The following ADAMTS1 variants were observed in gnomAD, a reference collection of about 807,000 sequenced individuals.
ADAMTS1 encodes the protein ADAM metallopeptidase with thrombospondin type 1 motif 1, also known as A disintegrin and metalloproteinase with thrombospondin motifs 1.
ADAMTS1 carries 19 observed loss-of-function variants against 87.9 expected under a neutral mutation model. That is an observed-to-expected ratio of 0.22 (90% CI 0.15 to 0.32). The LOEUF (loss-of-function observed/expected upper bound fraction) is 0.32, where lower values mean the gene tolerates loss of function less well. ADAMTS1 is among the 10% of genes least tolerant of loss of function. The probability of loss-of-function intolerance (pLI) is 1.00; values close to 1 mark genes in which losing one functional copy is unlikely to be tolerated. For missense variants in ADAMTS1, 1,240 were observed against 1,259.1 expected, an observed-to-expected ratio of 0.98 and a Z score of 0.23; for synonymous variants, 542 against 501.8, an observed-to-expected ratio of 1.08 and a Z score of -1.07.
Position 26,842,692 on chromosome 21 carries a change from A to AG in ADAMTS1, c.731-8dup. 1 of 1,604,804 alleles carries AG rather than the reference A, an allele frequency of 6.2e-7. No individual in the cohort carries two copies. Among genetic ancestry groups the AG allele is most frequent in the African/African-American group, 1.3e-5 (1 of 74,268 alleles). On this transcript the variant is annotated splice_region_variant and splice_polypyrimidine_tract_variant and intron_variant, in intron 1 of 8. Coordinates refer to ENST00000284984, the MANE Select transcript of ADAMTS1 (RefSeq NM_006988.5). ...TTTCTTATGCTTCCAGTTCCTGTAA[A>AG]GAAAAAAAAAAGTTTGCTTATGGTC...
rs1250253009 is a variant in ADAMTS1, at chr21:26,841,065, C to T, written c.1311G>A (p.Leu437=). ...SHMMASMLSN[L]DHSQPWSPCS... ...AAGGAGACCAAGGCTGGCTGTGGTCCAGGTTGGAAAGCATTGACGCCATCA... is the reference window on the plus strand; with the variant it reads ...AAGGAGACCAAGGCTGGCTGTGGTCTAGGTTGGAAAGCATTGACGCCATCA... Residue 437 remains leucine, a synonymous_variant, in exon 4 of 9, where the codon CTG becomes CTA. Coordinates refer to ENST00000284984, the MANE Select transcript of ADAMTS1 (RefSeq NM_006988.5). 1 of 1,614,172 alleles carries T rather than the reference C, an allele frequency of 6.2e-7. No individual in the cohort carries two copies. Among genetic ancestry groups the T allele is most frequent in the Non-Finnish European group, 8.5e-7 (1 of 1,180,040 alleles).
rs1002422021 is a variant in ADAMTS1 at position 26,836,170 on chromosome 21, G to A, written c.*1409C>T. 6.6e-6 allele frequency: 1 copy of A among 152,158 alleles called. No homozygotes were observed. The highest frequency in any genetic ancestry group is 1.9e-4 in the East Asian group (1 of 5,172). The allele number at this position is 152,158 out of a possible 1,614,324, so 9.4% of individuals were successfully genotyped here. On this transcript the variant is annotated 3_prime_UTR_variant, in exon 9 of 9. Transcript: ENST00000284984. ...AGCCGTCTTGCTTCACCTTCCTCTA[G>A]AACAAAATCTTATTGCCAAATAATT... is the stretch of plus-strand genomic sequence containing the variant.
In ADAMTS1 at chr21:26,838,480, T is replaced by A. The variant is rs145513522; in HGVS notation, c.2163A>T (p.Gly721=). 10 of 1,614,156 alleles carry A rather than the reference T, an allele frequency of 6.2e-6. No homozygotes were observed. The African/African-American group carries it at 8.0e-5, about 13-fold the overall frequency. ...FDKCGVCGGN[G]STCKKISGSV... ...ATCCTGATATTTTTTTACAAGTAGA[T>A]CCATTTCCCCCGCAAACACCACATT... is the stretch of plus-strand genomic sequence containing the variant. The change falls in exon 8 of 9, where the codon GGA becomes GGT. Residue 721 remains glycine, a synonymous_variant. Coordinates refer to ENST00000284984, the MANE Select transcript of ADAMTS1 (RefSeq NM_006988.5).
In ADAMTS1 at chr21:26,845,029, C is replaced by G. The variant is rs552835248; in HGVS notation, c.-75G>C. The G allele has an allele frequency of 1.4e-6, 2 of 1,452,300 alleles. No individual in the cohort carries two copies. The allele number at this position is 1,452,300 out of a possible 1,614,324, so 90.0% of individuals were successfully genotyped here. On this transcript the variant is annotated 5_prime_UTR_variant, in exon 1 of 9. Coordinates refer to ENST00000284984, the MANE Select transcript of ADAMTS1 (RefSeq NM_006988.5). ...TTAGTTCGGGTCGGGAGAGCAAAGC[C>G]TCGTTGGCCTGCTCTGGATTGTTAA...
rs750990684 is a variant in ADAMTS1 at position 26,844,531 on chromosome 21, A to C, written c.424T>G (p.Cys142Gly). The change falls in exon 1 of 9, where the codon TGC becomes GGC. Residue 142 changes from cysteine to glycine, a missense_variant. Coordinates refer to ENST00000284984, the MANE Select transcript of ADAMTS1 (RefSeq NM_006988.5). ...TAGAAGGCGCCGCGCACGCCCTCGCAGAGGCTGAGGGCGGCAGCCGAGCTG... is the reference window on the plus strand; with the variant it reads ...TAGAAGGCGCCGCGCACGCCCTCGCCGAGGCTGAGGGCGGCAGCCGAGCTG... ...DPSSAAALSL[C>G]EGVRGAFYLL... 12 of 1,604,204 alleles carry C rather than the reference A, an allele frequency of 7.5e-6. No homozygotes were observed. The highest frequency in any genetic ancestry group is 1.0e-5 in the Non-Finnish European group (12 of 1,175,870).
In ADAMTS1 at chr21:26,843,877, A is replaced by C; in HGVS notation, c.730+348T>G. 4 of 472,408 alleles carry C rather than the reference A, an allele frequency of 8.5e-6. No individual in the cohort carries two copies. In the Admixed American group the frequency reaches 9.9e-5, roughly 12 times the overall value. 29.3% of individuals were successfully genotyped at this position (472,408 alleles called of 1,614,324 possible). ...CAAAAGGCGCACACAAAATCATTAA[A>C]AAGAAATACACAGAGTGGAAAGAAC... On this transcript the variant is annotated intron_variant, in intron 1 of 8. Transcript: ENST00000284984.
At chr21:26,841,304 C>T (rs1294960651) in intron 3 of ADAMTS1, 139 bp from the exon 4 acceptor site, 10 of 810,814 alleles carry the variant, frequency 1.2e-5, no homozygotes, top group Non-Finnish European at 1.9e-5. Flanking sequence ...CATAGTGAAA[C>T]CCCGTCTCTA....
chr21:26,843,923 T>C, intron 1 of ADAMTS1: 1 of 507,912 alleles, frequency 2.0e-6, no homozygotes, highest in Non-Finnish European at 3.7e-6. Flanking sequence ...TCCAACTCGC[T>C]AAAGGTGGAA....
At position 26,844,325 on chromosome 21, in the gene ADAMTS1, T is replaced by C. The variant is rs774609205; in HGVS notation, c.630A>G (p.Lys210=). 14 of 1,608,762 alleles carry C rather than the reference T, an allele frequency of 8.7e-6. No individual in the cohort carries two copies. The South Asian group carries it at 1.4e-4, about 17-fold the overall frequency. Residue 210 remains lysine (K), a synonymous_variant, in exon 1 of 9, where the codon AAA becomes AAG. Transcript: ENST00000284984. ...CTTCGTCCTCGTCTTCGGTCTCCGCTTTCCCAGTCGGCCGGGGCTCGTCGT... is the reference window on the plus strand; with the variant it reads ...CTTCGTCCTCGTCTTCGGTCTCCGCCTTCCCAGTCGGCCGGGGCTCGTCGT... ...VVDDEPRPTG[K]AETEDEDEGT...
In ADAMTS1 at chr21:26,836,077, T is replaced by G. The variant is rs1380035868; in HGVS notation, c.*1502A>C. On this transcript the variant is annotated 3_prime_UTR_variant, in exon 9 of 9. Transcript: ENST00000284984. Reference sequence around the variant, plus strand: ...GTAACAAATGACATCATAAATTTCTTTCTTTTTAGCAATCATGTATACCAA... The same window carrying G: ...GTAACAAATGACATCATAAATTTCTGTCTTTTTAGCAATCATGTATACCAA... 1 of 152,240 alleles carries G rather than the reference T, an allele frequency of 6.6e-6. No homozygotes were observed. Among genetic ancestry groups the G allele is most frequent in the Non-Finnish European group, 1.5e-5 (1 of 68,032 alleles). 9.4% of individuals were successfully genotyped at this position (152,240 alleles called of 1,614,324 possible). A position where few individuals can be genotyped will look rare whatever the true frequency, so the allele number is the denominator to read the frequency against.
chr21:26,844,730 G>A lies in ADAMTS1; in HGVS notation c.225C>T (p.Arg75=), dbSNP rs746588935. The part of the protein sequence containing the change: ...LERAPGHGTT[R]LRLHAFDQQL... Reference sequence around the variant, plus strand: ...GCTGGTCAAAGGCGTGCAGGCGGAGGCGCGTGGTCCCGTGTCCCGGGGCGC... The same window carrying A: ...GCTGGTCAAAGGCGTGCAGGCGGAGACGCGTGGTCCCGTGTCCCGGGGCGC... The change falls in exon 1 of 9, where the codon CGC becomes CGT. Residue 75 remains arginine (R), a synonymous_variant. Transcript: ENST00000284984. The A allele has an allele frequency of 6.3e-7, 1 of 1,576,710 alleles. No individual in the cohort carries two copies. Among genetic ancestry groups the A allele is most frequent in the Non-Finnish European group, 8.6e-7 (1 of 1,160,050 alleles).
chr21:26,841,072 G>C lies in ADAMTS1; in HGVS notation c.1304C>G (p.Ser435Cys). 2 of 1,614,214 alleles carry C rather than the reference G, an allele frequency of 1.2e-6. No individual in the cohort carries two copies. The highest frequency in any genetic ancestry group is 4.5e-5 in the East Asian group (2 of 44,878). The change falls in exon 4 of 9, where the codon TCC (serine) becomes TGC (cysteine). Residue 435 changes from serine to cysteine, a missense_variant. Coordinates refer to ENST00000284984, the MANE Select transcript of ADAMTS1 (RefSeq NM_006988.5). ...QDSHMMASML[S>C]NLDHSQPWSP... is the part of the protein sequence containing the mutation. ...CCAAGGCTGGCTGTGGTCCAGGTTGGAAAGCATTGACGCCATCATGTGGGA... is the reference window on the plus strand; with the variant it reads ...CCAAGGCTGGCTGTGGTCCAGGTTGCAAAGCATTGACGCCATCATGTGGGA...
Position 26,840,463 on chromosome 21 carries a change from C to T in ADAMTS1, c.1478G>A (p.Gly493Glu), listed in dbSNP as rs753861935. ...ATCGGGGCAGTGTTTGGAGTCCTCC[C>T]CAAATGTAAACTGGCACTGCCGGTT... Reference protein sequence around the residue: ...DANRQCQFTFGEDSKHCPDAA... With the variant: ...DANRQCQFTFEEDSKHCPDAA... The change falls in exon 5 of 9, where the codon GGG (glycine) becomes GAG (glutamate). Residue 493 changes from glycine to glutamate, a missense_variant. Physicochemically the swap from Gly to Glu is moderately conservative, Grantham distance 98. Around this residue, in one of 3 missense-constraint regions of ADAMTS1, gnomAD observed 317 missense variants for 410.3 expected, o/e 0.77. Transcript: ENST00000284984. 30 of 1,614,146 alleles carry T rather than the reference C, an allele frequency of 1.9e-5. No homozygotes were observed. The highest frequency in any genetic ancestry group is 2.3e-5 in the Non-Finnish European group (27 of 1,179,992).
Position 26,837,876 on chromosome 21 carries a change from T to C in ADAMTS1, c.2607A>G (p.Ser869=), listed in dbSNP as rs1601921217. 6.2e-7 allele frequency: 1 copy of C among 1,614,214 alleles called. No homozygotes were observed. Among genetic ancestry groups the C allele is most frequent in the Non-Finnish European group, 8.5e-7 (1 of 1,180,044 alleles). Residue 869 remains serine (S), a synonymous_variant, in exon 9 of 9, where the codon TCA becomes TCG. Transcript: ENST00000284984. ...GTCTTCTCTGCCAACCCAATTCACA[T>C]GACTTAGAACATTCGCCCCACTCTT... is the stretch of plus-strand genomic sequence containing the variant. The part of the protein sequence containing the change: ...VIEEWGECSK[S]CELGWQRRLV...
chr21:26,841,212 G>C (rs1290369235), intron 3 of ADAMTS1, 47 bp from the exon 4 acceptor site: 1 of 1,596,062 alleles, frequency 6.3e-7, no homozygotes, highest in South Asian at 1.1e-5. Flanking sequence ...TCATGGCTGG[G>C]TGCGGTGGCT....
Position 26,844,909 on chromosome 21 carries a change from T to G in ADAMTS1, c.46A>C (p.Ser16Arg). ...PEGFGRRKLG[S>R]DMGNAERAPG... The stretch of plus-strand genomic sequence containing the variant: ...GCCCGCTCCGCGTTCCCCATGTCGC[T>G]GCCCAGCTTGCGCCTTCCGAACCCC... The change falls in exon 1 of 9, where the codon AGC (serine) becomes CGC (arginine). Residue 16 changes from serine to arginine, a missense_variant. Ser to Arg is a moderately radical substitution (Grantham distance 110). Transcript: ENST00000284984. 2 of 1,521,618 alleles carry G rather than the reference T, an allele frequency of 1.3e-6. No homozygotes were observed. Among genetic ancestry groups the G allele is most frequent in the Non-Finnish European group, 1.8e-6 (2 of 1,136,012 alleles). 94.3% of individuals were successfully genotyped at this position (1,521,618 alleles called of 1,614,324 possible).
At chr21:26,842,058 C>G in intron 2 of ADAMTS1, 68 bp from the exon 3 acceptor site, 1 of 1,540,164 alleles carries the variant, frequency 6.5e-7, no homozygotes, top group Non-Finnish European at 8.8e-7. Context: ...ACTTTTTTGG[C>G]AGGGTGTGCC....
chr21:26,839,976 C>T lies in ADAMTS1; in HGVS notation c.1751G>A (p.Arg584Lys). 6.2e-7 allele frequency: 1 copy of T among 1,614,074 alleles called. No homozygotes were observed. Among genetic ancestry groups the T allele is most frequent in the Non-Finnish European group, 8.5e-7 (1 of 1,180,018 alleles). The change falls in exon 6 of 9, where the codon AGG (arginine) becomes AAG (lysine). Residue 584 changes from arginine (R) to lysine (K), a missense_variant. Arg to Lys is a conservative substitution (Grantham distance 26, BLOSUM62 2). Transcript: ENST00000284984. ...TCGGGVQYTM[R>K]ECDNPVPKNG... ...CTTTGGGACTGGGTTGTCACATTCCCTCATCGTGTACTGGACTCCTCCACC... is the reference window on the plus strand; with the variant it reads ...CTTTGGGACTGGGTTGTCACATTCCTTCATCGTGTACTGGACTCCTCCACC...
chr21:26,843,852 C>A, intron 1 of ADAMTS1: 1 of 456,442 alleles, frequency 2.2e-6, no homozygotes. Context: ...GCAACCCGCA[C>A]AAAAGGCGCA....
Sources: gnomAD v4.1 joint callset for allele counts on GRCh38, gnomAD v4.1.1 for gene constraint, gnomAD v4.1.1 regional missense constraint, MANE v1.5 for transcripts, NCBI Gene and HGNC (gene_info 2026-07-23, HGNC 2026-07-21) for gene names.